The following UBR7 variants were observed in gnomAD, a reference collection of about 807,000 sequenced individuals.
The protein encoded by UBR7 is ubiquitin protein ligase E3 component n-recognin 7.
In UBR7, 22 loss-of-function variants were observed where a neutral mutation model predicts 57.0. The observed-to-expected ratio is 0.39, with a 90% CI of 0.28 to 0.55. The LOEUF is 0.55. UBR7 is among the 20% of genes least tolerant of loss of function. The probability of loss-of-function intolerance (pLI) is 0.69; values close to 1 mark genes in which losing one functional copy is unlikely to be tolerated. For synonymous variants in UBR7, 167 were observed against 179.8 expected, an observed-to-expected ratio of 0.93 and a Z score of 0.57; for missense variants, 395 against 513.2, an observed-to-expected ratio of 0.77 and a Z score of 2.23.
At chr14:93,226,304 C>T (rs746821210) in intron 10 of UBR7, among the ~76,000 whole-genome samples, 4 of 152,112 alleles carry the variant, frequency 2.6e-5, no homozygotes, top group Non-Finnish European at 4.4e-5. Flanking sequence ...CCTTCACTTT[C>T]CTTGTCTCAC....
At chr14:93,213,850 A>G (rs2140100230) in intron 4 of UBR7, among the ~76,000 whole-genome samples, 1 of 152,288 alleles carries the variant, frequency 6.6e-6, no homozygotes, top group East Asian at 1.9e-4. Flanking sequence ...TGGAACTATA[A>G]TTATTGAACC....
chr14:93,210,209 G>A (rs1412571326), intron 2 of UBR7, among the ~76,000 whole-genome samples: 2 of 151,710 alleles, frequency 1.3e-5, no homozygotes, highest in Non-Finnish European at 2.9e-5. Flanking sequence ...TCAGCCTCCC[G>A]AATAGCTGGG....
chr14:93,228,004 C>T lies in UBR7; in HGVS notation c.*969C>T, dbSNP rs1194388811. 1.4e-6 allele frequency: 1 copy of T among 698,612 alleles called. No individual in the cohort carries two copies. Among genetic ancestry groups the T allele is most frequent in the Non-Finnish European group, 2.6e-6 (1 of 384,254 alleles). The allele number at this position is 698,612 out of a possible 1,614,324, so 43.3% of individuals were successfully genotyped here. Reference sequence around the variant, plus strand: ...AACCCCAATAAATTATTATTTTTCCCCCTTGAATCTGCTAAAGAAAACAGA... The same window carrying T: ...AACCCCAATAAATTATTATTTTTCCTCCTTGAATCTGCTAAAGAAAACAGA... On this transcript the variant is annotated 3_prime_UTR_variant, in exon 11 of 11. Coordinates refer to ENST00000013070, the MANE Select transcript of UBR7 (RefSeq NM_175748.4).
chr14:93,222,063 G>T (rs532868069), intron 9 of UBR7, among the ~76,000 whole-genome samples: 1 of 151,290 alleles, frequency 6.6e-6, no homozygotes. Flanking sequence ...ATCTTTATGG[G>T]ATTAGGATAT....
chr14:93,211,707 T>C (rs4905060), intron 3 of UBR7, among the ~76,000 whole-genome samples: 16,526 of 152,046 alleles, frequency 0.11, 954 homozygotes, highest in African/African-American at 0.14. Context: ...AAAAAAGAAG[T>C]ACCTTGAAAT....
chr14:93,212,019 T>C lies in UBR7; in HGVS notation c.346-13T>C. 6.3e-7 allele frequency: 1 copy of C among 1,575,838 alleles called. No individual in the cohort carries two copies. The highest frequency in any genetic ancestry group is 8.7e-7 in the Non-Finnish European group (1 of 1,148,480). ...TAGACCATATTATTATTGAAATCAA[T>C]ATTATATTTCAGGACAAAGCAAAGG... On this transcript the variant is annotated splice_polypyrimidine_tract_variant and intron_variant, in intron 3 of 10. Transcript: ENST00000013070.
chr14:93,207,395 G>A lies in UBR7; in HGVS notation c.104G>A (p.Cys35Tyr). The A allele has an allele frequency of 6.4e-6, 10 of 1,554,272 alleles. No homozygotes were observed. The highest frequency in any genetic ancestry group is 8.7e-6 in the Non-Finnish European group (10 of 1,150,546). Residue 35 changes from cysteine to tyrosine, a missense_variant, in exon 1 of 11, where the codon TGC becomes TAC. Physicochemically the swap from Cys to Tyr is radical, Grantham distance 194 (BLOSUM62 -2). Transcript: ENST00000013070. ...EEDEELENEACAVLGGSDSEK... is the reference protein window; with the variant it reads ...EEDEELENEAYAVLGGSDSEK... ...GACGAGGAGCTGGAGAATGAGGCGT[G>A]CGCTGTCCTGGGCGGCAGCGACTCC...
Position 93,207,453 on chromosome 14 carries a change from G to A in UBR7, c.150+12G>A. The A allele has an allele frequency of 6.5e-7, 1 of 1,540,888 alleles. No homozygotes were observed. Among genetic ancestry groups the A allele is most frequent in the Non-Finnish European group, 8.7e-7 (1 of 1,145,742 alleles). On this transcript the variant is annotated intron_variant, in intron 1 of 10. Coordinates refer to ENST00000013070, the MANE Select transcript of UBR7 (RefSeq NM_175748.4). Reference sequence around the variant, plus strand: ...GCTCCTACTCTCAGGTGGGCGCGCGGCCCGGGCCTCCTCTCCCCCGGCTCC... The same window carrying A: ...GCTCCTACTCTCAGGTGGGCGCGCGACCCGGGCCTCCTCTCCCCCGGCTCC...
chr14:93,220,284 A>G lies in UBR7; in HGVS notation c.996A>G (p.Thr332=). ...GAGATCTAGATGTCTTATTCCTGAC[A>G]GATGAATACGACACAGTTCTGGCTT... The part of the protein sequence containing the change: ...MYGDLDVLFL[T]DEYDTVLAYE... Residue 332 remains threonine, a synonymous_variant, in exon 9 of 11, where the codon ACA becomes ACG. Coordinates refer to ENST00000013070, the MANE Select transcript of UBR7 (RefSeq NM_175748.4). 1 of 1,611,108 alleles carries G rather than the reference A, an allele frequency of 6.2e-7. No homozygotes were observed. Among genetic ancestry groups the G allele is most frequent in the Non-Finnish European group, 8.5e-7 (1 of 1,179,632 alleles).
chr14:93,220,261 G>C lies in UBR7; in HGVS notation c.973G>C (p.Asp325His). 6.4e-7 allele frequency: 1 copy of C among 1,569,846 alleles called. No individual in the cohort carries two copies. The highest frequency in any genetic ancestry group is 8.7e-7 in the Non-Finnish European group (1 of 1,151,774). ...TCQDCMKMYGDLDVLFLTDEY... is the reference protein window; with the variant it reads ...TCQDCMKMYGHLDVLFLTDEY... ...TTTTTCCCTAAAGAAAATGTATGGA[G>C]ATCTAGATGTCTTATTCCTGACAGA... Residue 325 changes from aspartate to histidine, a missense_variant, in exon 9 of 11, where the codon GAT becomes CAT. Physicochemically the swap from Asp to His is moderately conservative, Grantham distance 81 (BLOSUM62 -1). Transcript: ENST00000013070.
chr14:93,215,101 C>G, intron 5 of UBR7, 75 bp from the exon 6 acceptor site: 1 of 1,428,192 alleles, frequency 7.0e-7, no homozygotes, highest in Non-Finnish European at 9.7e-7. Flanking sequence ...TGTATTATTA[C>G]AGTATTTATA....
At position 93,215,197 on chromosome 14, in the gene UBR7, G is replaced by A; in HGVS notation, c.517G>A (p.Glu173Lys). The part of the protein sequence containing the change: ...HGRHLGAIPP[E>K]SGDFQEMVCQ... Reference sequence around the variant, plus strand: ...ACAGCATCTTGGTGCCATTCCCCCTGAGAGTGGGGATTTTCAGGAGATGGT... The same window carrying A: ...ACAGCATCTTGGTGCCATTCCCCCTAAGAGTGGGGATTTTCAGGAGATGGT... Residue 173 changes from glutamate (E) to lysine (K), a missense_variant, in exon 6 of 11, where the codon GAG becomes AAG. Physicochemically the swap from Glu to Lys is moderately conservative, Grantham distance 56. Coordinates refer to ENST00000013070, the MANE Select transcript of UBR7 (RefSeq NM_175748.4). The A allele has an allele frequency of 6.3e-7, 1 of 1,583,368 alleles. No homozygotes were observed. The highest frequency in any genetic ancestry group is 8.6e-7 in the Non-Finnish European group (1 of 1,163,666).
intron 10 of UBR7, chr14:93,223,962 C>A: frequency 1.4e-6 from 1 of 737,042 alleles, no homozygotes. Flanking sequence ...ACAATCTCCC[C>A]TGAAGACTTC....
chr14:93,215,755 G>A (rs1894579137), intron 6 of UBR7, among the ~76,000 whole-genome samples: 1 of 151,914 alleles, frequency 6.6e-6, no homozygotes. Context: ...GATTTGTTGG[G>A]ATACTACCAA....
chr14:93,217,607 G>A (rs1235121880), intron 6 of UBR7, among the ~76,000 whole-genome samples: 2 of 152,100 alleles, frequency 1.3e-5, no homozygotes, highest in Admixed American at 6.5e-5. Flanking sequence ...AACAAGTACA[G>A]TACAATATTT....
At position 93,228,874 on chromosome 14, in the gene UBR7, T is replaced by G. The variant is rs1443965568; in HGVS notation, c.*1839T>G. ...CAAGTCTTGGAGGTGATGTGTTACA[T>G]TACGTGCAGCACAATAGTACCGATC... is the stretch of plus-strand genomic sequence containing the variant. On this transcript the variant is annotated 3_prime_UTR_variant, in exon 11 of 11. Transcript: ENST00000013070. 2 of 454,134 alleles carry G rather than the reference T, an allele frequency of 4.4e-6. No individual in the cohort carries two copies. Among genetic ancestry groups the G allele is most frequent in the Admixed American group, 4.7e-5 (2 of 42,576 alleles). 28.1% of individuals were successfully genotyped at this position (454,134 alleles called of 1,614,324 possible). A position where few individuals can be genotyped will look rare whatever the true frequency, so the allele number is the denominator to read the frequency against.
intron 4 of UBR7, among the ~76,000 whole-genome samples, chr14:93,214,085 C>T (rs971261448): frequency 2.0e-5 from 3 of 152,200 alleles, no homozygotes; most frequent in African/African-American, 7.2e-5. Flanking sequence ...CGCCACCATG[C>T]CCGGCTAATT....
rs554668880 is a variant in UBR7 at position 93,223,119 on chromosome 14, C to A, written c.1185+745C>A. Among the ~76,000 whole-genome samples, 3 of 151,342 alleles carry A rather than the reference C, an allele frequency of 2.0e-5. No homozygotes were observed. In the East Asian group the frequency reaches 5.9e-4, roughly 30 times the overall value. Reference sequence around the variant, plus strand: ...TAGAATAGAAACTGGGCATGGTGGCCGGGTGCAGTGGCTCACGCCTTAATC... The same window carrying A: ...TAGAATAGAAACTGGGCATGGTGGCAGGGTGCAGTGGCTCACGCCTTAATC... On this transcript the variant is annotated intron_variant, in intron 10 of 10. Coordinates refer to ENST00000013070, the MANE Select transcript of UBR7 (RefSeq NM_175748.4).
intron 2 of UBR7, 125 bp downstream of exon 2, chr14:93,210,082 T>TTTATTTATTTATTTATTTAC: frequency 1.8e-6 from 1 of 548,094 alleles, no homozygotes; most frequent in Non-Finnish European, 2.7e-6. Context: ...AATTAATTAA[T>TTTATTTATTTATTTATTTAC]TTATTTATTT....
Sources: gnomAD v4.1 joint callset for allele counts (sites outside exome capture counted in the v4.1 genomes callset) on GRCh38, gnomAD v4.1.1 for gene constraint, MANE v1.5 for transcripts, NCBI Gene and HGNC (gene_info 2026-07-23, HGNC 2026-07-21) for gene names.